The following AFAP1 variants were observed in gnomAD, a reference collection of about 807,000 sequenced individuals.
The protein encoded by AFAP1 is actin filament associated protein 1.
A neutral mutation model predicts 93.9 loss-of-function variants in AFAP1; 75 were observed. That is an observed-to-expected ratio of 0.80 (90% CI 0.66 to 0.97). AFAP1 has a LOEUF of 0.97. AFAP1 is among the 50% of genes least tolerant of loss of function. The pLI is 0.00. For missense variants in AFAP1, 1,201 were observed against 1,050.8 expected (o/e 1.14, Z -1.98); for synonymous variants, 517 against 430.7 (o/e 1.20, Z -2.48).
intron 4 of AFAP1, among the ~76,000 whole-genome samples, chr4:7,849,518 AGG>A (rs1379105776): frequency 6.6e-6 from 1 of 152,216 alleles, no homozygotes; most frequent in Non-Finnish European, 1.5e-5. Context: ...CACTCGGGTG[AGG>A]GGGAAAGAGA....
At chr4:7,920,811 T>C (rs1161364593) in intron 1 of AFAP1, among the ~76,000 whole-genome samples, 1 of 152,170 alleles carries the variant, frequency 6.6e-6, no homozygotes. Context: ...TGTTTCATAA[T>C]CTAAACTGTT....
At chr4:7,882,746 C>A (rs999713955) in intron 1 of AFAP1, among the ~76,000 whole-genome samples, 2 of 152,180 alleles carry the variant, frequency 1.3e-5, no homozygotes, top group African/African-American at 4.8e-5. Flanking sequence ...GTAATCCCAG[C>A]TACTCAGGAG....
chr4:7,939,308 C>T lies in AFAP1; in HGVS notation c.-3+348G>A. The stretch of plus-strand genomic sequence containing the variant: ...CTCCCACTCTTGGTGACCCGGACCC[C>T]GCCCCACGAGTGGGTCTTCGCAGGG... On this transcript the variant is annotated intron_variant, in intron 1 of 17. Coordinates refer to ENST00000420658, the MANE Select transcript of AFAP1 (RefSeq NM_001134647.2). The surrounding 1 kb of genome is among the most constrained non-coding windows in gnomAD (Gnocchi z 5.6). The T allele has an allele frequency of 3.2e-6, 1 of 311,428 alleles. No individual in the cohort carries two copies. The highest frequency in any genetic ancestry group is 1.4e-4 in the East Asian group (1 of 6,960). The allele number at this position is 311,428 out of a possible 1,614,324, so 19.3% of individuals were successfully genotyped here.
intron 1 of AFAP1, among the ~76,000 whole-genome samples, chr4:7,892,289 C>T (rs144741134): frequency 1.3e-4 from 20 of 152,272 alleles, no homozygotes; most frequent in African/African-American, 4.6e-4. Context: ...AAAGATGACC[C>T]GGCCAGCTGC....
chr4:7,769,319 A>G (rs1424220252), intron 16 of AFAP1, among the ~76,000 whole-genome samples: 1 of 152,182 alleles, frequency 6.6e-6, no homozygotes. Context: ...GGGCTCTTGC[A>G]TGCAGCTGCT....
At chr4:7,906,075 C>T (rs1304432927) in intron 1 of AFAP1, among the ~76,000 whole-genome samples, 2 of 152,198 alleles carry the variant, frequency 1.3e-5, no homozygotes, top group Admixed American at 6.5e-5. Flanking sequence ...CTCCCAAGAA[C>T]CTCTCTCCAA....
intron 1 of AFAP1, among the ~76,000 whole-genome samples, chr4:7,935,335 T>C (rs1721312005): frequency 6.6e-6 from 1 of 152,220 alleles, no homozygotes; most frequent in Non-Finnish European, 1.5e-5. Context: ...ACAAAAGCTT[T>C]AGTAGGGCCA....
intron 6 of AFAP1, among the ~76,000 whole-genome samples, chr4:7,837,392 G>A (rs1461281972): frequency 6.6e-6 from 1 of 152,164 alleles, no homozygotes; most frequent in African/African-American, 2.4e-5. Flanking sequence ...AGAGGCCCCA[G>A]AGACCTGCCT....
At chr4:7,783,637 C>A (rs1716990023) in intron 12 of AFAP1, among the ~76,000 whole-genome samples, 1 of 152,234 alleles carries the variant, frequency 6.6e-6, no homozygotes, top group Non-Finnish European at 1.5e-5. Flanking sequence ...TTAGGAATGG[C>A]AGACCTTTGT....
chr4:7,769,148 C>T (rs939603472), intron 16 of AFAP1, 140 bp from the exon 17 acceptor site: 67 of 1,147,188 alleles, frequency 5.8e-5, no homozygotes, highest in Middle Eastern at 2.9e-4. Flanking sequence ...AGGACTGCCA[C>T]GTGGTCAGTG....
chr4:7,841,540 A>C (rs751635203), intron 5 of AFAP1, among the ~76,000 whole-genome samples: 2 of 152,228 alleles, frequency 1.3e-5, no homozygotes, highest in Non-Finnish European at 2.9e-5. Flanking sequence ...AACTTGTGGG[A>C]AGACAGACTG....
chr4:7,795,647 G>T (rs181673735), intron 10 of AFAP1, among the ~76,000 whole-genome samples: 1 of 151,778 alleles, frequency 6.6e-6, no homozygotes, highest in Non-Finnish European at 1.5e-5. Flanking sequence ...GGATGGTCTC[G>T]ATCTCCTGAC....
chr4:7,791,490 C>G (rs1340819323), intron 11 of AFAP1, among the ~76,000 whole-genome samples: 1 of 152,146 alleles, frequency 6.6e-6, no homozygotes, highest in Non-Finnish European at 1.5e-5. Flanking sequence ...GGACCCAAGC[C>G]AAGATGCCCT....
chr4:7,854,950 C>T (rs1714880502), intron 4 of AFAP1, among the ~76,000 whole-genome samples: 1 of 152,066 alleles, frequency 6.6e-6, no homozygotes, highest in Non-Finnish European at 1.5e-5. Flanking sequence ...TAACTGGGGC[C>T]AGGAGAACCA....
intron 1 of AFAP1, among the ~76,000 whole-genome samples, chr4:7,877,004 T>G (rs911760231): frequency 2.0e-5 from 3 of 152,220 alleles, no homozygotes; most frequent in Non-Finnish European, 2.9e-5. Flanking sequence ...AACACCCCAG[T>G]TGGCTCCCCC....
intron 1 of AFAP1, among the ~76,000 whole-genome samples, chr4:7,924,325 A>G (rs1325817320): frequency 6.6e-6 from 1 of 152,206 alleles, no homozygotes; most frequent in East Asian, 1.9e-4. Context: ...ACACTGATGA[A>G]GTGGAAAAGC....
At chr4:7,801,927 A>AAAAAAAAAC (rs1290572324) in intron 9 of AFAP1, among the ~76,000 whole-genome samples, 1 of 151,088 alleles carries the variant, frequency 6.6e-6, no homozygotes, top group East Asian at 1.9e-4. Flanking sequence ...AAAAAAAAAA[A>AAAAAAAAAC]AAAAAAAAAA....
Position 7,774,842 on chromosome 4 carries a change from G to A in AFAP1, c.1959C>T (p.Thr653=), listed in dbSNP as rs1715932401. The A allele has an allele frequency of 1.9e-6, 3 of 1,614,018 alleles. No homozygotes were observed. The South Asian group carries it at 3.3e-5, about 18-fold the overall frequency. The change falls in exon 15 of 18, where the codon ACC becomes ACT. Residue 653 remains threonine (T), a synonymous_variant. Coordinates refer to ENST00000420658, the MANE Select transcript of AFAP1 (RefSeq NM_001134647.2). The part of the protein sequence containing the change: ...RVEADAKRLQ[T]KEEELLKRKE... ...TCCTCTTCAGCAGCTCCTCCTCTTT[G>A]GTCTGTAGCCGCTTGGCATCTGCTT...
chr4:7,877,804 C>G (rs1168323967), intron 1 of AFAP1, among the ~76,000 whole-genome samples: 2 of 151,990 alleles, frequency 1.3e-5, no homozygotes, highest in Admixed American at 6.6e-5. Context: ...ATTTAGTCCT[C>G]GAAAAAAATT....
Sources: gnomAD v4.1 joint callset for allele counts (sites outside exome capture counted in the v4.1 genomes callset) on GRCh38, gnomAD v4.1.1 for gene constraint, Gnocchi (gnomAD v3.1) non-coding constraint, MANE v1.5 for transcripts, NCBI Gene and HGNC (gene_info 2026-07-23, HGNC 2026-07-21) for gene names.